Variants in RGS7 observed in about 807,000 individuals in gnomAD.
RGS7 encodes the protein regulator of G-protein signaling 7.
Under a neutral mutation model 81.1 loss-of-function variants are expected in RGS7, and 27 were observed. That is an observed-to-expected ratio of 0.33 (90% confidence interval 0.25 to 0.46). RGS7 has a LOEUF of 0.46. Ranked by LOEUF, RGS7 falls within the 20% of genes least tolerant of loss-of-function variation. The probability of loss-of-function intolerance (pLI) is 1.00; values close to 1 mark genes in which losing one functional copy is unlikely to be tolerated. For missense variants in RGS7, 396 were observed against 607.4 expected, an observed-to-expected ratio of 0.65 and a Z score of 3.66; for synonymous variants, 208 against 207.7, an observed-to-expected ratio of 1.00 and a Z score of -0.01.
At chr1:241,181,553 A>C (rs1314233112) in intron 2 of RGS7, among the ~76,000 whole-genome samples, 1 of 152,202 alleles carries the variant, frequency 6.6e-6, no homozygotes, top group Non-Finnish European at 1.5e-5. Context: ...AAAGCTGCTG[A>C]CTGGAATTAA....
Position 241,058,070 on chromosome 1 carries a change from C to G in RGS7, c.175+40596G>C, listed in dbSNP as rs115568118. ...AATAATAATTGGTCGCAGCCAGCAC[C>G]AGGAAAGGCAGGTTCCATATAGATA... On this transcript the variant is annotated intron_variant, in intron 3 of 18. Coordinates refer to ENST00000440928, the MANE Select transcript of RGS7 (RefSeq NM_001364886.1). 5.3e-3 allele frequency among the ~76,000 whole-genome samples: 800 copies of G among 152,144 alleles called. 6 individuals are homozygous for G. Among genetic ancestry groups the G allele is most frequent in the Admixed American group, 0.019 (287 of 15,298 alleles).
At chr1:241,325,675 A>G (rs938348598) in intron 2 of RGS7, among the ~76,000 whole-genome samples, 1 of 152,214 alleles carries the variant, frequency 6.6e-6, no homozygotes, top group African/African-American at 2.4e-5. Flanking sequence ...ACTCCATGAC[A>G]TCATGCAGGG....
chr1:241,078,395 A>T (rs1334654025), intron 3 of RGS7, among the ~76,000 whole-genome samples: 7 of 142,490 alleles, frequency 4.9e-5, no homozygotes, highest in Non-Finnish European at 1.1e-4. Flanking sequence ...GTATATATAA[A>T]ATATATATAC....
chr1:240,816,229 A>C (rs1469195612), intron 11 of RGS7, 88 bp downstream of exon 11: 1 of 841,116 alleles, frequency 1.2e-6, no homozygotes, highest in Non-Finnish European at 2.1e-6. Context: ...AATAACCTAT[A>C]AAAATACCCA....
At chr1:240,939,090 A>C (rs1354148477) in intron 4 of RGS7, among the ~76,000 whole-genome samples, 2 of 152,168 alleles carry the variant, frequency 1.3e-5, no homozygotes, top group Admixed American at 6.5e-5. Flanking sequence ...ACATAAGCAC[A>C]CTTGTAATGA....
At position 241,134,210 on chromosome 1, in the gene RGS7, A is replaced by C. The variant is rs565425666; in HGVS notation, c.79-35448T>G. On this transcript the variant is annotated intron_variant, in intron 2 of 18. Coordinates refer to ENST00000440928, the MANE Select transcript of RGS7 (RefSeq NM_001364886.1). ...ATGGCTGGTGGCTACTGTATTGGGT[A>C]GCACCAACGAAGAACAGCCATCCTC... Among the ~76,000 whole-genome samples, 25 of 152,330 alleles carry C rather than the reference A, an allele frequency of 1.6e-4. No individual in the cohort carries two copies. In the East Asian group the frequency reaches 3.9e-3, roughly 24 times the overall value.
chr1:240,886,595 T>G (rs546791234), intron 6 of RGS7, among the ~76,000 whole-genome samples: 2 of 152,322 alleles, frequency 1.3e-5, no homozygotes, highest in East Asian at 3.9e-4. Context: ...GCTCTCTCCC[T>G]TTCTCTTTCT....
chr1:241,160,331 A>C (rs890884193), intron 2 of RGS7, among the ~76,000 whole-genome samples: 1 of 152,164 alleles, frequency 6.6e-6, no homozygotes, highest in African/African-American at 2.4e-5. Flanking sequence ...CCTTCCTTAC[A>C]AAATTCATGT....
intron 2 of RGS7, among the ~76,000 whole-genome samples, chr1:241,161,556 CTAA>C (rs5782176): frequency 0.37 from 54,236 of 147,712 alleles, 9,960 homozygotes; most frequent in East Asian, 0.47. Context: ...ATGATAGTAA[CTAA>C]TAATGTGACC....
intron 2 of RGS7, among the ~76,000 whole-genome samples, chr1:241,205,561 A>C (rs1174855334): frequency 6.6e-6 from 1 of 151,700 alleles, no homozygotes; most frequent in Non-Finnish European, 1.5e-5. Flanking sequence ...CCCAGGTTCA[A>C]GTGATTCTCC....
At chr1:241,222,323 A>C (rs892639369) in intron 2 of RGS7, among the ~76,000 whole-genome samples, 6 of 152,192 alleles carry the variant, frequency 3.9e-5, no homozygotes, top group African/African-American at 1.4e-4. Context: ...AAGTACTCAT[A>C]CTTGGTCTTT....
At chr1:241,200,490 C>A (rs1454245182) in intron 2 of RGS7, among the ~76,000 whole-genome samples, 2 of 152,134 alleles carry the variant, frequency 1.3e-5, no homozygotes, top group African/African-American at 4.8e-5. Flanking sequence ...AGTCAGACAA[C>A]CCAGATGCTA....
chr1:241,115,089 A>T (rs746691921), intron 2 of RGS7, among the ~76,000 whole-genome samples: 31 of 152,370 alleles, frequency 2.0e-4, no homozygotes, highest in Non-Finnish European at 2.4e-4. Flanking sequence ...GCTGTAACCC[A>T]TAAACCAGCC....
In RGS7 at chr1:240,827,082, C is replaced by T. The variant is rs1370777219; in HGVS notation, c.684+16G>A. The T allele has an allele frequency of 6.2e-7, 1 of 1,603,288 alleles. No individual in the cohort carries two copies. Among genetic ancestry groups the T allele is most frequent in the Non-Finnish European group, 8.5e-7 (1 of 1,170,216 alleles). On this transcript the variant is annotated intron_variant, in intron 10 of 18. Coordinates refer to ENST00000440928, the MANE Select transcript of RGS7 (RefSeq NM_001364886.1). ...CAATCCATCACCAAGATCAGCACAA[C>T]AAATGACAGTTTTACCTTCCGTGTT...
intron 4 of RGS7, among the ~76,000 whole-genome samples, chr1:240,959,294 C>T (rs764721979): frequency 7.9e-5 from 12 of 152,150 alleles, no homozygotes; most frequent in Non-Finnish European, 1.3e-4. Flanking sequence ...GATGCATCTT[C>T]GGTGATTTCA....
intron 3 of RGS7, among the ~76,000 whole-genome samples, chr1:240,992,596 C>G (rs569376754): frequency 1.3e-5 from 2 of 152,012 alleles, no homozygotes; most frequent in South Asian, 4.2e-4. Flanking sequence ...TGAACGTGCT[C>G]TATATAGTGC....
chr1:241,067,524 A>ATT (rs11438337), intron 3 of RGS7, among the ~76,000 whole-genome samples: 5,903 of 147,154 alleles, frequency 0.04, 160 homozygotes, highest in Non-Finnish European at 0.057. Context: ...GAATAATGAG[A>ATT]TTTTTTTTTT....
intron 4 of RGS7, among the ~76,000 whole-genome samples, chr1:240,978,909 C>T (rs1442682228): frequency 1.3e-5 from 2 of 152,014 alleles, no homozygotes; most frequent in East Asian, 3.9e-4. Flanking sequence ...AGAAAATGAG[C>T]TTAAATAACA....
At chr1:240,992,281 A>G (rs963247402) in intron 3 of RGS7, among the ~76,000 whole-genome samples, 1 of 152,318 alleles carries the variant, frequency 6.6e-6, no homozygotes, top group East Asian at 1.9e-4. Context: ...AGATGGGTGG[A>G]TCATGAGGCC....
Sources: allele counts gnomAD v4.1 joint callset (sites outside exome capture counted in the v4.1 genomes callset), GRCh38; gene constraint gnomAD v4.1.1; transcripts MANE v1.5; gene names NCBI Gene and HGNC (gene_info 2026-07-23, HGNC 2026-07-21).